FHOD3: variants seen among roughly 807,000 people sequenced by gnomAD.
FHOD3 encodes the protein FH1/FH2 domain-containing protein 3.
FHOD3 carries 90 observed loss-of-function variants against 173.0 expected under a neutral mutation model. That is an observed-to-expected ratio of 0.52 (90% CI 0.44 to 0.62). The LOEUF is 0.62. Ranked by LOEUF, FHOD3 falls within the 20% of genes least tolerant of loss-of-function variation. FHOD3 has a pLI of 0.00. For synonymous variants in FHOD3, 828 were observed against 823.0 expected, an observed-to-expected ratio of 1.01 and a Z score of -0.10; for missense variants, 1,945 against 2,034.7, an observed-to-expected ratio of 0.96 and a Z score of 0.85.
chr18:36,526,475 G>A (rs2056520531), intron 5 of FHOD3, among the ~76,000 whole-genome samples: 2 of 151,848 alleles, frequency 1.3e-5, no homozygotes, highest in African/African-American at 4.8e-5. Context: ...GCCCCAACTG[G>A]AGTGCAGTGG....
At position 36,576,558 on chromosome 18, in the gene FHOD3, T is replaced by C; in HGVS notation, c.606+13T>C. The C allele has an allele frequency of 6.3e-7, 1 of 1,595,656 alleles. No individual in the cohort carries two copies. Among genetic ancestry groups the C allele is most frequent in the South Asian group, 1.1e-5 (1 of 88,696 alleles). On this transcript the variant is annotated intron_variant, in intron 6 of 28. Coordinates refer to ENST00000590592, the MANE Select transcript of FHOD3 (RefSeq NM_001281740.3). ...CATTGGGTCAAAGGTAAGGGGAAGT[T>C]ATGGTTGACTGTTTTGTTCACTTGT...
chr18:36,386,742 C>T (rs771363780), intron 3 of FHOD3, among the ~76,000 whole-genome samples: 25 of 152,178 alleles, frequency 1.6e-4, no homozygotes, highest in Admixed American at 5.2e-4. Context: ...TGCCTCCCCT[C>T]GGCTGTCCCC....
intron 3 of FHOD3, among the ~76,000 whole-genome samples, chr18:36,411,425 A>C (rs2049345572): frequency 6.6e-6 from 1 of 152,236 alleles, no homozygotes; most frequent in Non-Finnish European, 1.5e-5. Flanking sequence ...GAATCAATTG[A>C]TTTCTTATCT....
chr18:36,467,777 G>A (rs1323493629), intron 3 of FHOD3, among the ~76,000 whole-genome samples: 1 of 152,194 alleles, frequency 6.6e-6, no homozygotes, highest in Admixed American at 6.5e-5. Context: ...TGGGGTGGGC[G>A]TTGCCCTGCC....
At chr18:36,672,424 A>G (rs2037590681) in intron 14 of FHOD3, among the ~76,000 whole-genome samples, 1 of 152,174 alleles carries the variant, frequency 6.6e-6, no homozygotes, top group Admixed American at 6.5e-5. Flanking sequence ...GTCGTTGATC[A>G]TCTCATTTGA....
At chr18:36,439,838 C>T (rs2051033203) in intron 3 of FHOD3, among the ~76,000 whole-genome samples, 1 of 152,112 alleles carries the variant, frequency 6.6e-6, no homozygotes, top group African/African-American at 2.4e-5. Context: ...GATGTTCCAG[C>T]AGAGAAAGCA....
At chr18:36,501,891 A>T (rs373079287) in intron 3 of FHOD3, 41 bp from the exon 4 acceptor site, 38 of 1,347,514 alleles carry the variant, frequency 2.8e-5, no homozygotes, top group Non-Finnish European at 3.5e-5. Flanking sequence ...CTGTCAATAG[A>T]GTCAGTTTAA....
chr18:36,411,545 G>A (rs1468656458), intron 3 of FHOD3, among the ~76,000 whole-genome samples: 2 of 152,042 alleles, frequency 1.3e-5, no homozygotes, highest in Admixed American at 6.5e-5. Flanking sequence ...TTTTTTAGTG[G>A]CTGCATTTCA....
chr18:36,559,314 G>C (rs1222315373), intron 5 of FHOD3, among the ~76,000 whole-genome samples: 1 of 152,168 alleles, frequency 6.6e-6, no homozygotes, highest in Admixed American at 6.5e-5. Context: ...CTCTGCGGCT[G>C]CTTCTCTTGG....
intron 1 of FHOD3, among the ~76,000 whole-genome samples, chr18:36,336,900 G>A (rs1480118495): frequency 1.4e-5 from 2 of 142,490 alleles, no homozygotes; most frequent in African/African-American, 5.2e-5. Context: ...TGTCGAGCAC[G>A]GTGGCTCACA....
intron 5 of FHOD3, among the ~76,000 whole-genome samples, chr18:36,544,991 C>T (rs2057360144): frequency 6.6e-6 from 1 of 152,170 alleles, no homozygotes; most frequent in Non-Finnish European, 1.5e-5. Context: ...TAGGGTAATA[C>T]TGACTACCTG....
At chr18:36,730,914 A>G in intron 20 of FHOD3, 110 bp downstream of exon 20, 1 of 1,157,654 alleles carries the variant, frequency 8.6e-7, no homozygotes, top group Non-Finnish European at 1.2e-6. Context: ...TCTCAACTAG[A>G]CTCTGAATAA....
chr18:36,600,951 A>G (rs1392066310), intron 7 of FHOD3, among the ~76,000 whole-genome samples: 2 of 152,236 alleles, frequency 1.3e-5, no homozygotes, highest in Admixed American at 6.5e-5. Flanking sequence ...CAAAATGTGA[A>G]TGTTAGAAGC....
At chr18:36,616,050 C>G in intron 9 of FHOD3, among the ~76,000 whole-genome samples, 1 of 152,132 alleles carries the variant, frequency 6.6e-6, no homozygotes, top group East Asian at 1.9e-4. Flanking sequence ...ACCTGTGGCC[C>G]TGGGAGGCCA....
intron 2 of FHOD3, among the ~76,000 whole-genome samples, chr18:36,371,868 A>G (rs945995017): frequency 6.6e-6 from 1 of 152,134 alleles, no homozygotes; most frequent in Non-Finnish European, 1.5e-5. Context: ...ACCTGCTGCC[A>G]TGCTGTTGGC....
intron 1 of FHOD3, among the ~76,000 whole-genome samples, chr18:36,305,050 A>G (rs1408810375): frequency 6.6e-6 from 1 of 152,236 alleles, no homozygotes; most frequent in African/African-American, 2.4e-5. Flanking sequence ...TTATAATTAC[A>G]GTCAACATTG....
At chr18:36,549,210 A>T (rs1388201175) in intron 5 of FHOD3, among the ~76,000 whole-genome samples, 1 of 152,170 alleles carries the variant, frequency 6.6e-6, no homozygotes, top group Non-Finnish European at 1.5e-5. Flanking sequence ...CTTATTTGCT[A>T]TCCATCCATC....
In FHOD3 at chr18:36,526,314, T is replaced by G. The variant is rs569345077; in HGVS notation, c.511+13771T>G. 2.6e-5 allele frequency among the ~76,000 whole-genome samples: 4 copies of G among 152,344 alleles called. No individual in the cohort carries two copies. The South Asian group carries it at 8.3e-4, about 32-fold the overall frequency. On this transcript the variant is annotated intron_variant, in intron 5 of 28. Coordinates refer to ENST00000590592, the MANE Select transcript of FHOD3 (RefSeq NM_001281740.3). ...CCCCTCAATTTTGTTTGCATCAGCA[T>G]TATGTTTCTAAAGATGGTTGATAAA...
chr18:36,678,059 C>A (rs567320875), intron 14 of FHOD3, among the ~76,000 whole-genome samples: 2 of 152,162 alleles, frequency 1.3e-5, no homozygotes, highest in African/African-American at 4.8e-5. Context: ...CATAGGTTTT[C>A]TTGGATTATC....
Sources: allele counts gnomAD v4.1 joint callset (sites outside exome capture counted in the v4.1 genomes callset), GRCh38; gene constraint gnomAD v4.1.1; transcripts MANE v1.5; gene names NCBI Gene and HGNC (gene_info 2026-07-23, HGNC 2026-07-21).